Variants in IGF2BP2 observed in about 807,000 individuals in gnomAD.
IGF2BP2 encodes the protein insulin-like growth factor 2 mRNA-binding protein 2.
A neutral mutation model predicts 75.8 loss-of-function variants in IGF2BP2; 17 were observed. The ratio of observed to expected loss-of-function variants is 0.22; its 90% CI spans 0.15 to 0.34. IGF2BP2 has a LOEUF of 0.34. Ranked by LOEUF, IGF2BP2 falls within the 10% of genes least tolerant of loss-of-function variation. IGF2BP2 has a pLI of 1.00. For missense variants in IGF2BP2, 516 were observed against 772.4 expected (o/e 0.67, Z 3.93); for synonymous variants, 288 against 295.6 (o/e 0.97, Z 0.26).
At chr3:185,780,896 C>T (rs1735123906) in intron 2 of IGF2BP2, among the ~76,000 whole-genome samples, 1 of 152,196 alleles carries the variant, frequency 6.6e-6, no homozygotes, top group South Asian at 2.1e-4. Flanking sequence ...TAGACCTTGG[C>T]TCACATCTTG....
At chr3:185,679,944 T>G (rs1720129372) in intron 7 of IGF2BP2, among the ~76,000 whole-genome samples, 1 of 151,912 alleles carries the variant, frequency 6.6e-6, no homozygotes. Context: ...TGAAAAGAAC[T>G]AAACCCAAAA....
intron 7 of IGF2BP2, among the ~76,000 whole-genome samples, chr3:185,680,092 A>G (rs895229074): frequency 1.3e-5 from 2 of 152,246 alleles, no homozygotes; most frequent in East Asian, 3.8e-4. Context: ...AGAACATTCA[A>G]TAACTACAAT....
At chr3:185,660,771 G>T (rs1400834493) in intron 10 of IGF2BP2, among the ~76,000 whole-genome samples, 1 of 152,228 alleles carries the variant, frequency 6.6e-6, no homozygotes, top group Non-Finnish European at 1.5e-5. Context: ...GCCATGAAGA[G>T]CTGGGGGAGA....
chr3:185,711,350 T>C (rs1247084914), intron 2 of IGF2BP2, among the ~76,000 whole-genome samples: 2 of 152,200 alleles, frequency 1.3e-5, no homozygotes, highest in East Asian at 3.8e-4. Context: ...TAGTGACATG[T>C]GCACCGCAGT....
intron 2 of IGF2BP2, chr3:185,712,457 C>G (rs1190714305): frequency 2.0e-5 from 3 of 152,126 alleles, no homozygotes; most frequent in Non-Finnish European, 4.4e-5. Flanking sequence ...TTACCAAAGG[C>G]TGCCATTATT....
intron 11 of IGF2BP2, 27 bp downstream of exon 11, chr3:185,658,314 G>T (rs1479880903): frequency 1.2e-6 from 2 of 1,606,358 alleles, no homozygotes; most frequent in Non-Finnish European, 8.5e-7. Flanking sequence ...GAAGTGGCAG[G>T]TGCGGCTGAA....
At chr3:185,787,273 G>T (rs1218555919) in intron 2 of IGF2BP2, among the ~76,000 whole-genome samples, 1 of 152,002 alleles carries the variant, frequency 6.6e-6, no homozygotes, top group Non-Finnish European at 1.5e-5. Flanking sequence ...ACTTAAAAAT[G>T]GTTAGGGTGG....
In IGF2BP2 at chr3:185,645,134, A is replaced by C. The variant is rs761259718; in HGVS notation, c.*397T>G. ...AACATCTTCCCTTTCTAATATGTAC[A>C]CACATGTACAGAGACGATTTGCCAC... On this transcript the variant is annotated 3_prime_UTR_variant, in exon 16 of 16. Transcript: ENST00000382199. This position sits in a 1 kb window ranked among gnomAD's most constrained non-coding sequence, Gnocchi z 4.9. The C allele has an allele frequency of 1.6e-5, 3 of 192,304 alleles. No individual in the cohort carries two copies. Among genetic ancestry groups the C allele is most frequent in the African/African-American group, 4.6e-5 (2 of 43,458 alleles). The allele number at this position is 192,304 out of a possible 1,614,324, so 11.9% of individuals were successfully genotyped here. A position where few individuals can be genotyped will look rare whatever the true frequency, so the allele number is the denominator to read the frequency against.
intron 14 of IGF2BP2, among the ~76,000 whole-genome samples, chr3:185,648,336 G>A (rs759200955): frequency 6.6e-6 from 1 of 151,806 alleles, no homozygotes; most frequent in African/African-American, 2.4e-5. Flanking sequence ...GGTGGCGGGC[G>A]CCTGCAGTCC....
Position 185,677,058 on chromosome 3 carries a change from TATATATATATAGAGAGAGAG to T in IGF2BP2, c.813-1165_813-1146del, listed in dbSNP as rs1204972462. Among the ~76,000 whole-genome samples the T allele has an allele frequency of 5.5e-5, 3 of 54,542 alleles. No individual in the cohort carries two copies. In the East Asian group the frequency reaches 1.4e-3, roughly 25 times the overall value. The allele number at this position is 54,542 out of a possible 152,430, so 35.8% of individuals were successfully genotyped here. ...ATATATATGGAGATATATATATATA[TATATATATATAGAGAGAGAG>T]AGAGAGAGAGAGAGAGAGAGAGAGA... On this transcript the variant is annotated intron_variant, in intron 7 of 15. Transcript: ENST00000382199.
intron 2 of IGF2BP2, among the ~76,000 whole-genome samples, chr3:185,749,183 GAAA>G (rs573061751): frequency 3.3e-5 from 5 of 151,214 alleles, no homozygotes; most frequent in African/African-American, 1.2e-4. Context: ...AGAAAAAAAA[GAAA>G]AAAAAATTCT....
Position 185,644,098 on chromosome 3 carries a change from C to A in IGF2BP2, c.*1433G>T, listed in dbSNP as rs1369473005. ...TGGACTGTCACCTTCTCCAGGCTGG[C>A]AGTTGATATCTTATTTTTTTTCCAA... On this transcript the variant is annotated 3_prime_UTR_variant, in exon 16 of 16. Transcript: ENST00000382199. 6.6e-6 allele frequency: 1 copy of A among 152,222 alleles called. No individual in the cohort carries two copies. Among genetic ancestry groups the A allele is most frequent in the African/African-American group, 2.4e-5 (1 of 41,328 alleles). The allele number at this position is 152,222 out of a possible 1,614,324, so 9.4% of individuals were successfully genotyped here.
In IGF2BP2 at chr3:185,799,001, C is replaced by T. The variant is rs982489372; in HGVS notation, c.239+24152G>A. On this transcript the variant is annotated intron_variant, in intron 2 of 15. Coordinates refer to ENST00000382199, the MANE Select transcript of IGF2BP2 (RefSeq NM_006548.6). Reference sequence around the variant, plus strand: ...ATGTTGTCCAGGCTGGTCTCGAATTCCTAGGCTCAAGTGATCTTCCCGCCT... The same window carrying T: ...ATGTTGTCCAGGCTGGTCTCGAATTTCTAGGCTCAAGTGATCTTCCCGCCT... Among the ~76,000 whole-genome samples the T allele has an allele frequency of 2.6e-5, 4 of 151,912 alleles. No individual in the cohort carries two copies. The South Asian group carries it at 6.2e-4, about 24-fold the overall frequency.
At chr3:185,750,450 G>T (rs1730817155) in intron 2 of IGF2BP2, among the ~76,000 whole-genome samples, 1 of 152,154 alleles carries the variant, frequency 6.6e-6, no homozygotes, top group Non-Finnish European at 1.5e-5. Context: ...TCCCCTAGAG[G>T]TACAAATTCT....
intron 2 of IGF2BP2, among the ~76,000 whole-genome samples, chr3:185,804,927 A>C (rs1738802991): frequency 6.6e-6 from 1 of 151,162 alleles, no homozygotes; most frequent in Admixed American, 6.6e-5. Flanking sequence ...AGGGAGGCGG[A>C]GCTTGCAGTG....
At chr3:185,717,882 G>A (rs911505298) in intron 2 of IGF2BP2, 10 of 152,194 alleles carry the variant, frequency 6.6e-5, no homozygotes, top group African/African-American at 2.2e-4. Flanking sequence ...CTTGGGATGC[G>A]GAGAAGGAGG....
In IGF2BP2 at chr3:185,645,169, G is replaced by GT. The variant is rs1244875781; in HGVS notation, c.*361dup. ...AGAGACGATTTGCCACAGAAAAAGG[G>GT]TGTGCATTTTGCTTGGCTTTGAACA... On this transcript the variant is annotated 3_prime_UTR_variant, in exon 16 of 16. Coordinates refer to ENST00000382199, the MANE Select transcript of IGF2BP2 (RefSeq NM_006548.6). This position sits in a 1 kb window ranked among gnomAD's most constrained non-coding sequence, Gnocchi z 4.9. 3.8e-6 allele frequency: 1 copy of GT among 266,118 alleles called. No individual in the cohort carries two copies. Among genetic ancestry groups the GT allele is most frequent in the Non-Finnish European group, 7.2e-6 (1 of 138,112 alleles). The allele number at this position is 266,118 out of a possible 1,614,324, so 16.5% of individuals were successfully genotyped here. A position where few individuals can be genotyped will look rare whatever the true frequency, so the allele number is the denominator to read the frequency against.
At chr3:185,654,162 T>C (rs1419599438) in intron 12 of IGF2BP2, among the ~76,000 whole-genome samples, 2 of 152,218 alleles carry the variant, frequency 1.3e-5, no homozygotes, top group African/African-American at 2.4e-5. Context: ...CCTTGGTGGA[T>C]GCGGATAAAT....
intron 2 of IGF2BP2, among the ~76,000 whole-genome samples, chr3:185,778,467 A>C (rs1321116533): frequency 6.6e-6 from 1 of 152,218 alleles, no homozygotes; most frequent in African/African-American, 2.4e-5. Context: ...ACTGAATGAC[A>C]TTATTTGGGA....
Sources: allele counts gnomAD v4.1 joint callset (sites outside exome capture counted in the v4.1 genomes callset), GRCh38; gene constraint gnomAD v4.1.1; non-coding constraint Gnocchi (gnomAD v3.1); transcripts MANE v1.5; gene names NCBI Gene and HGNC (gene_info 2026-07-23, HGNC 2026-07-21).